SYT2: variants seen among roughly 807,000 people sequenced by gnomAD.
SYT2 encodes the protein synaptotagmin-2.
In SYT2, 15 loss-of-function variants were observed where a neutral mutation model predicts 39.9. The ratio of observed to expected loss-of-function variants is 0.38; its 90% CI spans 0.25 to 0.58. SYT2 has a LOEUF of 0.58. SYT2 is among the 20% of genes least tolerant of loss of function. The probability of loss-of-function intolerance (pLI) is 0.70; values close to 1 mark genes in which losing one functional copy is unlikely to be tolerated. For synonymous variants in SYT2, 181 were observed against 204.5 expected, an observed-to-expected ratio of 0.89 and a Z score of 0.98; for missense variants, 389 against 530.3, an observed-to-expected ratio of 0.73 and a Z score of 2.62.
intron 1 of SYT2, chr1:202,632,893 A>G (rs2149091966): frequency 6.6e-6 from 1 of 152,266 alleles, no homozygotes; most frequent in East Asian, 1.9e-4. Flanking sequence ...TAAACTAGAG[A>G]CGCTACAAAT....
At chr1:202,660,216 C>T (rs1692351756) in intron 1 of SYT2, among the ~76,000 whole-genome samples, 2 of 152,166 alleles carry the variant, frequency 1.3e-5, no homozygotes, top group Non-Finnish European at 2.9e-5. Flanking sequence ...CAGAGTAGTA[C>T]AGTGTGATAT....
intron 1 of SYT2, among the ~76,000 whole-genome samples, chr1:202,626,426 T>TTTTTTA (rs1691415701): frequency 7.2e-6 from 1 of 138,344 alleles, no homozygotes; most frequent in East Asian, 2.1e-4. Context: ...TTTTTTTTTT[T>TTTTTTA]GAGACAGGGT....
Position 202,630,679 on chromosome 1 carries a change from C to T in SYT2, c.-17-24890G>A, listed in dbSNP as rs528406084. On this transcript the variant is annotated intron_variant, in intron 1 of 8. Transcript: ENST00000367268. ...CCGAACACACCCCTGGCTCCAGAGA[C>T]GCCATCATCTGGGACCCTCTCCTCA... Among the ~76,000 whole-genome samples the T allele has an allele frequency of 2.6e-5, 4 of 152,286 alleles. 1 individual carries two copies. Among genetic ancestry groups the T allele is most frequent in the South Asian group, 4.1e-4 (2 of 4,822 alleles).
At chr1:202,701,056 A>G (rs1654109447) in intron 1 of SYT2, among the ~76,000 whole-genome samples, 1 of 152,252 alleles carries the variant, frequency 6.6e-6, no homozygotes, top group Non-Finnish European at 1.5e-5. Context: ...GAATTTCATT[A>G]AACAATATTA....
chr1:202,646,346 C>G (rs1328178285), intron 1 of SYT2, among the ~76,000 whole-genome samples: 1 of 152,204 alleles, frequency 6.6e-6, no homozygotes, highest in East Asian at 1.9e-4. Context: ...CAGGCCAACC[C>G]CCTCCATCCT....
At chr1:202,703,324 A>G (rs1260224223) in intron 1 of SYT2, among the ~76,000 whole-genome samples, 1 of 151,768 alleles carries the variant, frequency 6.6e-6, no homozygotes, top group African/African-American at 2.4e-5. Flanking sequence ...CAGCCCTGCA[A>G]TACCACAAAT....
At position 202,601,908 on chromosome 1, in the gene SYT2, T is replaced by TTTCCTC. The variant is rs1690517096; in HGVS notation, c.782_783insGAGGAA (p.Gln261_Gly262insArgLys). The TTTCCTC allele has an allele frequency of 6.2e-7, 1 of 1,613,960 alleles. No homozygotes were observed. The highest frequency in any genetic ancestry group is 1.3e-5 in the African/African-American group (1 of 74,924). ...CTCTTACCTCCTCCTTTTCCCCGCC[T>TTTCCTC]TGCAGGTCTCTCCACTCCTCAATGG... On this transcript the variant is annotated inframe_insertion, in exon 6 of 9. Coordinates refer to ENST00000367268, the MANE Select transcript of SYT2 (RefSeq NM_177402.5). The surrounding 1 kb of genome is among the most constrained non-coding windows in gnomAD (Gnocchi z 4.0).
intron 1 of SYT2, among the ~76,000 whole-genome samples, chr1:202,704,318 G>C (rs952140239): frequency 6.6e-6 from 1 of 152,154 alleles, no homozygotes. Flanking sequence ...CCTGGCCTTG[G>C]GGAGCGCCCA....
chr1:202,705,302 T>TGA (rs764179549), intron 1 of SYT2, among the ~76,000 whole-genome samples: 25 of 152,374 alleles, frequency 1.6e-4, no homozygotes, highest in Non-Finnish European at 3.1e-4. Flanking sequence ...ACTGCAGTGA[T>TGA]GAGAGCTTGA....
chr1:202,620,182 G>A (rs371239665), intron 1 of SYT2, among the ~76,000 whole-genome samples: 31 of 152,328 alleles, frequency 2.0e-4, no homozygotes, highest in Middle Eastern at 3.4e-3. Flanking sequence ...TCCACTGGCC[G>A]CTGTCCTTCT....
At chr1:202,671,804 G>C (rs1169903894) in intron 1 of SYT2, among the ~76,000 whole-genome samples, 1 of 152,210 alleles carries the variant, frequency 6.6e-6, no homozygotes. Flanking sequence ...CCCTGAACTT[G>C]AATGAAGCTT....
intron 1 of SYT2, among the ~76,000 whole-genome samples, chr1:202,619,389 C>G (rs1019585253): frequency 1.3e-5 from 2 of 152,176 alleles, no homozygotes; most frequent in African/African-American, 4.8e-5. Context: ...GGGAGAGATG[C>G]CTGCTCCCAG....
chr1:202,649,034 C>T (rs867315), intron 1 of SYT2, among the ~76,000 whole-genome samples: 55,073 of 152,184 alleles, frequency 0.36, 11,945 homozygotes, highest in East Asian at 0.71. Flanking sequence ...GATCACATCA[C>T]CTAGGGAGGG....
chr1:202,702,335 T>C (rs1346978508), intron 1 of SYT2, among the ~76,000 whole-genome samples: 1 of 152,220 alleles, frequency 6.6e-6, no homozygotes, highest in East Asian at 1.9e-4. Context: ...ATTTCTCAGC[T>C]GTGCTTCCCC....
intron 1 of SYT2, among the ~76,000 whole-genome samples, chr1:202,608,745 A>G (rs1365725673): frequency 2.0e-5 from 3 of 152,088 alleles, no homozygotes; most frequent in Non-Finnish European, 4.4e-5. Flanking sequence ...ATATGTTTTC[A>G]TTTCTCTTGG....
In SYT2 at chr1:202,601,925, C is replaced by T. The variant is rs146188377; in HGVS notation, c.766G>A (p.Glu256Lys). ...NTVDLGQPIE[E>K]WRDLQGGEKE... ...TCCCCGCCTTGCAGGTCTCTCCACT[C>T]CTCAATGGGCTGGCCGAGGTCCACT... Residue 256 changes from glutamate to lysine, a missense_variant, in exon 6 of 9, where the codon GAG becomes AAG. Around this residue, in one of 4 missense-constraint regions of SYT2, gnomAD observed 280 missense variants for 335.6 expected, o/e 0.83. Coordinates refer to ENST00000367268, the MANE Select transcript of SYT2 (RefSeq NM_177402.5). The surrounding 1 kb of genome is among the most constrained non-coding windows in gnomAD (Gnocchi z 4.0). 8.1e-6 allele frequency: 13 copies of T among 1,614,178 alleles called. No individual in the cohort carries two copies. The highest frequency in any genetic ancestry group is 1.1e-5 in the Non-Finnish European group (13 of 1,180,018).
At chr1:202,676,812 T>A (rs1313583144) in intron 1 of SYT2, among the ~76,000 whole-genome samples, 1 of 152,224 alleles carries the variant, frequency 6.6e-6, no homozygotes, top group East Asian at 1.9e-4. Flanking sequence ...AAATACTGTT[T>A]ATGTAAAAGC....
intron 1 of SYT2, among the ~76,000 whole-genome samples, chr1:202,616,823 A>G (rs933350182): frequency 2.0e-5 from 3 of 152,046 alleles, no homozygotes; most frequent in African/African-American, 7.3e-5. Context: ...TTCCTTCTGC[A>G]CCCAGGCATC....
chr1:202,663,500 T>C (rs943686743), intron 1 of SYT2, among the ~76,000 whole-genome samples: 1 of 152,256 alleles, frequency 6.6e-6, no homozygotes, highest in Non-Finnish European at 1.5e-5. Flanking sequence ...GTTGTGTTTC[T>C]GTTCACTCCA....
Sources: gnomAD v4.1 joint callset for allele counts (sites outside exome capture counted in the v4.1 genomes callset) on GRCh38, gnomAD v4.1.1 for gene constraint, gnomAD v4.1.1 regional missense constraint, Gnocchi (gnomAD v3.1) non-coding constraint, MANE v1.5 for transcripts, NCBI Gene and HGNC (gene_info 2026-07-23, HGNC 2026-07-21) for gene names.